ZW10: variants seen among roughly 807,000 people sequenced by gnomAD.
The protein encoded by ZW10 is zw10 kinetochore protein.
In ZW10, 53 loss-of-function variants were observed where a neutral mutation model predicts 87.8. That is an observed-to-expected ratio of 0.60 (90% CI 0.48 to 0.76). The LOEUF is 0.76. Among genes scored for constraint, ZW10 ranks in the 30% least tolerant of loss-of-function variants. The pLI is 0.00. For synonymous variants in ZW10, 312 were observed against 329.2 expected (o/e 0.95, Z 0.57); for missense variants, 837 against 923.0 (o/e 0.91, Z 1.21).
At chr11:113,746,968 T>C (rs563849501) in intron 9 of ZW10, among the ~76,000 whole-genome samples, 1 of 152,208 alleles carries the variant, frequency 6.6e-6, no homozygotes, top group East Asian at 1.9e-4. Context: ...TCAATTGACA[T>C]TTATGTTAAA....
rs540353218 is a variant in ZW10, at chr11:113,744,316, G to GGCGGAGCTTGCAGTGA, written c.1273-292_1273-277dup. ...GCAGGAGAATGGCGCAAACCCGGGAGGCGGAGCTTGCAGTGAGCGGAGCTT... is the reference window on the plus strand; with the variant it reads ...GCAGGAGAATGGCGCAAACCCGGGAGGCGGAGCTTGCAGTGAGCGGAGCTTGCAGTGAGCGGAGCTT... On this transcript the variant is annotated intron_variant, in intron 9 of 15. Transcript: ENST00000200135. Among the ~76,000 whole-genome samples, 207 of 152,192 alleles carry GGCGGAGCTTGCAGTGA rather than the reference G, an allele frequency of 1.4e-3. 4 individuals are homozygous for GGCGGAGCTTGCAGTGA. In the East Asian group the frequency reaches 0.029, roughly 21 times the overall value.
chr11:113,760,687 C>T (rs1953848446), intron 3 of ZW10, 97 bp from the exon 4 acceptor site: 2 of 1,146,374 alleles, frequency 1.7e-6, no homozygotes, highest in Non-Finnish European at 2.5e-6. Context: ...CCCCCTCCCC[C>T]CTCTAAAAAA....
At chr11:113,762,822 T>A (rs900153433) in intron 2 of ZW10, among the ~76,000 whole-genome samples, 6 of 152,206 alleles carry the variant, frequency 3.9e-5, no homozygotes, top group African/African-American at 1.2e-4. Context: ...CCAGCTAAAC[T>A]TTTTAACTCT....
chr11:113,772,657 T>C (rs1937647040), intron 1 of ZW10, among the ~76,000 whole-genome samples: 1 of 152,048 alleles, frequency 6.6e-6, no homozygotes, highest in Non-Finnish European at 1.5e-5. Flanking sequence ...CAGCTTCATG[T>C]GCTTGTAGAT....
chr11:113,757,636 A>G, intron 7 of ZW10, 26 bp downstream of exon 7: 1 of 1,379,362 alleles, frequency 7.2e-7, no homozygotes, highest in Non-Finnish European at 9.5e-7. Context: ...TCCAAAATAT[A>G]AAAGCACTGC....
At chr11:113,743,651 TTTTTG>T (rs572653289) in intron 10 of ZW10, 146 bp downstream of exon 10, 25 of 687,662 alleles carry the variant, frequency 3.6e-5, no homozygotes, top group Admixed American at 8.0e-5. Context: ...ATGCACTGGG[TTTTTG>T]TTTTGTTTTG....
chr11:113,751,017 T>C (rs1278492732), intron 7 of ZW10: 1 of 101,458 alleles, frequency 9.9e-6, no homozygotes, highest in Non-Finnish European at 2.0e-5. Flanking sequence ...AAACTGCAAA[T>C]ACTTTTTTTT....
intron 14 of ZW10, among the ~76,000 whole-genome samples, 170 bp downstream of exon 14, chr11:113,737,402 G>T (rs1177527345): frequency 6.8e-6 from 1 of 147,786 alleles, no homozygotes; most frequent in Non-Finnish European, 1.5e-5. Context: ...ATATAAAAGA[G>T]ATTAAACAGT....
chr11:113,736,930 A>T, intron 14 of ZW10, 108 bp from the exon 15 acceptor site: 1 of 977,932 alleles, frequency 1.0e-6, no homozygotes, highest in Non-Finnish European at 1.6e-6. Flanking sequence ...CAGCTACAAC[A>T]TGTTTTCCAA....
chr11:113,739,192 T>C (rs1953585508), intron 12 of ZW10, 21 bp downstream of exon 12: 3 of 1,612,392 alleles, frequency 1.9e-6, no homozygotes, highest in Non-Finnish European at 1.7e-6. Flanking sequence ...TATGCTTTCC[T>C]ACATTGAAAG....
chr11:113,742,430 C>T (rs1338795364), intron 10 of ZW10, among the ~76,000 whole-genome samples: 2 of 152,138 alleles, frequency 1.3e-5, no homozygotes, highest in Non-Finnish European at 2.9e-5. Flanking sequence ...GAAAATAAGT[C>T]ATACCCAAAA....
rs1953650692 is a variant in ZW10, at chr11:113,743,879, A to G, written c.1434T>C (p.Arg478=). Residue 478 remains arginine (R), a synonymous_variant, in exon 10 of 16, where the codon CGT becomes CGC. Transcript: ENST00000200135. ...DQHSFSLPTC[R]ISESVKKLME... ...TTAATTTCTTCACAGACTCACTGAT[A>G]CGGCATGTGGGCAAGGAAAAGGAAT... is the stretch of plus-strand genomic sequence containing the variant. 6.2e-7 allele frequency: 1 copy of G among 1,614,034 alleles called. No homozygotes were observed. The highest frequency in any genetic ancestry group is 1.7e-5 in the Admixed American group (1 of 59,990).
In ZW10 at chr11:113,733,663, T is replaced by C. The variant is rs1953516055; in HGVS notation, c.*31A>G. The C allele has an allele frequency of 1.9e-6, 3 of 1,613,316 alleles. No individual in the cohort carries two copies. The highest frequency in any genetic ancestry group is 2.5e-6 in the Non-Finnish European group (3 of 1,179,944). ...TTATGCCAAGGGAAGAATCCACATATTCAAGACATAGCTTTCTTAAGAAGA... is the reference window on the plus strand; with the variant it reads ...TTATGCCAAGGGAAGAATCCACATACTCAAGACATAGCTTTCTTAAGAAGA... On this transcript the variant is annotated 3_prime_UTR_variant, in exon 16 of 16. Transcript: ENST00000200135.
chr11:113,734,748 T>C (rs2134862023), intron 15 of ZW10, among the ~76,000 whole-genome samples: 1 of 151,540 alleles, frequency 6.6e-6, no homozygotes, highest in South Asian at 2.1e-4. Flanking sequence ...GAGGTTGCAG[T>C]GAGCCAATAT....
At chr11:113,736,505 T>C in intron 15 of ZW10, 115 bp downstream of exon 15, 2 of 1,031,582 alleles carry the variant, frequency 1.9e-6, no homozygotes, top group Non-Finnish European at 3.0e-6. Context: ...CTACTCAATA[T>C]GAAAGTCTTG....
At chr11:113,765,069 GAAC>G (rs1591422863) in intron 2 of ZW10, among the ~76,000 whole-genome samples, 1 of 152,174 alleles carries the variant, frequency 6.6e-6, no homozygotes, top group African/African-American at 2.4e-5. Flanking sequence ...CACATCTAGT[GAAC>G]AGAGGCCAGG....
rs577327008 is a variant in ZW10, at chr11:113,755,125, A to C, written c.925+2537T>G. 1.1e-4 allele frequency among the ~76,000 whole-genome samples: 16 copies of C among 152,338 alleles called. No individual in the cohort carries two copies. The South Asian group carries it at 2.7e-3, about 26-fold the overall frequency. The stretch of plus-strand genomic sequence containing the variant: ...AACACCATCCATCTGTAGCCTATGA[A>C]TCAAGGAGTGATTTTGACTTTCAAG... On this transcript the variant is annotated intron_variant, in intron 7 of 15. Transcript: ENST00000200135.
intron 7 of ZW10, among the ~76,000 whole-genome samples, chr11:113,750,006 A>G (rs1334357107): frequency 6.6e-6 from 1 of 152,230 alleles, no homozygotes; most frequent in African/African-American, 2.4e-5. Flanking sequence ...CATAGAGCGC[A>G]AGTTATGGTG....
chr11:113,767,612 C>T (rs915787794), intron 2 of ZW10, among the ~76,000 whole-genome samples: 11 of 151,824 alleles, frequency 7.2e-5, no homozygotes, highest in African/African-American at 2.7e-4. Flanking sequence ...ACTCATTTCC[C>T]TCAAGTTCTT....
Sources: allele counts gnomAD v4.1 joint callset (sites outside exome capture counted in the v4.1 genomes callset), GRCh38; gene constraint gnomAD v4.1.1; transcripts MANE v1.5; gene names NCBI Gene and HGNC (gene_info 2026-07-23, HGNC 2026-07-21).